CTNNA3: variants seen among roughly 807,000 people sequenced by gnomAD.
The protein encoded by CTNNA3 is catenin alpha-3.
CTNNA3 carries 76 observed loss-of-function variants against 95.7 expected under a neutral mutation model. That is an observed-to-expected ratio of 0.79 (90% CI 0.66 to 0.96). The LOEUF (loss-of-function observed/expected upper bound fraction) is 0.96. Among genes scored for constraint, CTNNA3 ranks in the 40% least tolerant of loss-of-function variants. CTNNA3 has a pLI of 0.00. For synonymous variants in CTNNA3, 431 were observed against 374.4 expected (o/e 1.15, Z -1.74); for missense variants, 1,191 against 1,089.8 (o/e 1.09, Z -1.31).
intron 7 of CTNNA3, among the ~76,000 whole-genome samples, chr10:67,130,198 G>T (rs908282188): frequency 6.6e-6 from 1 of 151,974 alleles, no homozygotes; most frequent in Non-Finnish European, 1.5e-5. Flanking sequence ...CCACTACTAA[G>T]AGTGCCATCT....
chr10:67,461,576 A>G (rs956264683), intron 5 of CTNNA3, among the ~76,000 whole-genome samples: 1 of 152,218 alleles, frequency 6.6e-6, no homozygotes, highest in African/African-American at 2.4e-5. Context: ...AAAAGAAATA[A>G]ATAGGGAAGC....
intron 8 of CTNNA3, among the ~76,000 whole-genome samples, chr10:66,767,379 G>A: frequency 6.6e-6 from 1 of 151,424 alleles, no homozygotes; most frequent in Non-Finnish European, 1.5e-5. Flanking sequence ...CCAGGAGGAG[G>A]AGGTTGCAGT....
At chr10:66,232,739 A>AT (rs2132014525) in intron 13 of CTNNA3, among the ~76,000 whole-genome samples, 1 of 152,346 alleles carries the variant, frequency 6.6e-6, no homozygotes, top group South Asian at 2.1e-4. Context: ...CACTTGATTT[A>AT]TTACAAAGTT....
At chr10:66,728,641 G>A (rs572074158) in intron 9 of CTNNA3, among the ~76,000 whole-genome samples, 169 of 152,238 alleles carry the variant, frequency 1.1e-3, no homozygotes, top group African/African-American at 4.0e-3. Flanking sequence ...CCAGGCTGGA[G>A]TGCAGTGGTG....
chr10:66,038,690 G>T (rs896385344), intron 15 of CTNNA3, among the ~76,000 whole-genome samples: 8 of 152,244 alleles, frequency 5.3e-5, no homozygotes, highest in African/African-American at 1.9e-4. Context: ...TATCATTATT[G>T]TTGGAAGACC....
intron 13 of CTNNA3, among the ~76,000 whole-genome samples, chr10:66,271,761 A>T (rs1589904849): frequency 1.3e-5 from 2 of 151,996 alleles, no homozygotes; most frequent in Non-Finnish European, 2.9e-5. Flanking sequence ...TGGACCATGG[A>T]CTCCCCTGCC....
At chr10:67,508,492 C>CA (rs1839500211) in intron 5 of CTNNA3, among the ~76,000 whole-genome samples, 1 of 152,080 alleles carries the variant, frequency 6.6e-6, no homozygotes, top group Non-Finnish European at 1.5e-5. Flanking sequence ...TCCTACATCA[C>CA]AAACAAAATT....
chr10:67,242,555 G>T (rs1227137447), intron 5 of CTNNA3, among the ~76,000 whole-genome samples: 1 of 152,162 alleles, frequency 6.6e-6, no homozygotes, highest in Non-Finnish European at 1.5e-5. Context: ...TACTGTATCT[G>T]CCCCGATTTA....
intron 5 of CTNNA3, among the ~76,000 whole-genome samples, chr10:67,234,194 G>A (rs1373748461): frequency 6.6e-6 from 1 of 152,056 alleles, no homozygotes; most frequent in Admixed American, 6.6e-5. Flanking sequence ...ACCAAAGCCG[G>A]GCAGAGACAC....
At chr10:66,686,212 A>C (rs553213323) in intron 9 of CTNNA3, among the ~76,000 whole-genome samples, 83 of 152,262 alleles carry the variant, frequency 5.5e-4, no homozygotes, top group Non-Finnish European at 1.0e-3. Context: ...TGCTATGTTT[A>C]TTTAATTCTT....
At chr10:67,470,466 CAGCTTCTCAA>C (rs1289728053) in intron 5 of CTNNA3, among the ~76,000 whole-genome samples, 6 of 152,168 alleles carry the variant, frequency 3.9e-5, no homozygotes, top group African/African-American at 1.4e-4. Context: ...TTTTTAAAAT[CAGCTTCTCAA>C]AGCCAATCCA....
At chr10:66,686,345 C>T (rs917620961) in intron 9 of CTNNA3, among the ~76,000 whole-genome samples, 4 of 152,170 alleles carry the variant, frequency 2.6e-5, no homozygotes, top group Admixed American at 2.6e-4. Flanking sequence ...CACCTGTCAG[C>T]CCAGCTCCTT....
intron 5 of CTNNA3, among the ~76,000 whole-genome samples, chr10:67,244,445 G>T (rs547171140): frequency 6.6e-6 from 1 of 152,116 alleles, no homozygotes; most frequent in Non-Finnish European, 1.5e-5. Flanking sequence ...TCATCTGATC[G>T]AGGAAAACAG....
chr10:66,255,571 C>T (rs776674809), intron 13 of CTNNA3, among the ~76,000 whole-genome samples: 4 of 152,046 alleles, frequency 2.6e-5, no homozygotes, highest in Admixed American at 6.5e-5. Flanking sequence ...GCCTCTCACA[C>T]TCTCCTCATC....
chr10:67,643,996 G>T (rs1376012587), intron 2 of CTNNA3, among the ~76,000 whole-genome samples: 1 of 152,064 alleles, frequency 6.6e-6, no homozygotes, highest in Non-Finnish European at 1.5e-5. Flanking sequence ...ATAAACATAC[G>T]TGTGCATGTG....
At chr10:66,114,645 C>T (rs1442662336) in intron 13 of CTNNA3, among the ~76,000 whole-genome samples, 5 of 151,604 alleles carry the variant, frequency 3.3e-5, no homozygotes, top group South Asian at 2.1e-4. Flanking sequence ...CTTTGGGAGG[C>T]GGAAGCAGGC....
chr10:67,489,266 G>C (rs1371659344), intron 5 of CTNNA3, among the ~76,000 whole-genome samples: 1 of 152,140 alleles, frequency 6.6e-6, no homozygotes, highest in African/African-American at 2.4e-5. Flanking sequence ...AAAATGAAAT[G>C]TGTTTTCATT....
At chr10:66,882,480 T>C (rs1844886154) in intron 7 of CTNNA3, among the ~76,000 whole-genome samples, 1 of 152,092 alleles carries the variant, frequency 6.6e-6, no homozygotes, top group African/African-American at 2.4e-5. Flanking sequence ...ATGTGCACCA[T>C]TGCCAATACA....
chr10:66,733,419 T>A (rs1333826798), intron 9 of CTNNA3, among the ~76,000 whole-genome samples: 5 of 152,150 alleles, frequency 3.3e-5, no homozygotes, highest in African/African-American at 1.2e-4. Flanking sequence ...TTGCAGATTA[T>A]AATTAAGATG....
Sources: allele counts gnomAD v4.1 joint callset (sites outside exome capture counted in the v4.1 genomes callset), GRCh38; gene constraint gnomAD v4.1.1; transcripts MANE v1.5; gene names NCBI Gene and HGNC (gene_info 2026-07-23, HGNC 2026-07-21).